The following ECT2L variants were observed in gnomAD, a reference collection of about 807,000 sequenced individuals.
ECT2L encodes epithelial cell-transforming sequence 2 oncogene-like.
Under a neutral mutation model 122.8 loss-of-function variants are expected in ECT2L, and 126 were observed. That is an observed-to-expected ratio of 1.03 (90% CI 0.89 to 1.19). ECT2L has a LOEUF of 1.19. ECT2L is among the 50% of genes most tolerant of loss of function. The pLI is 0.00. For missense variants in ECT2L, 1,012 were observed against 1,064.1 expected (o/e 0.95, Z 0.68); for synonymous variants, 385 against 381.8 (o/e 1.01, Z -0.10).
At chr6:138,857,547 C>T (rs537870520) in intron 10 of ECT2L, among the ~76,000 whole-genome samples, 1 of 152,240 alleles carries the variant, frequency 6.6e-6, no homozygotes, top group South Asian at 2.1e-4. Context: ...TGCTCAAATC[C>T]AGTGGTCCCT....
At chr6:138,835,145 TA>T (rs34665665) in intron 4 of ECT2L, among the ~76,000 whole-genome samples, 33,600 of 151,958 alleles carry the variant, frequency 0.22, 4,121 homozygotes, top group Middle Eastern at 0.29. Flanking sequence ...TTTAGCCACT[TA>T]AAAAAAACTT....
chr6:138,809,668 T>C (rs1775826419), intron 1 of ECT2L, among the ~76,000 whole-genome samples: 1 of 152,220 alleles, frequency 6.6e-6, no homozygotes, highest in Non-Finnish European at 1.5e-5. Context: ...ATATTTATGG[T>C]AATATGCTTG....
rs927220577 is a variant in ECT2L, at chr6:138,812,996, C to T, written c.-104+19C>T. 9 of 306,162 alleles carry T rather than the reference C, an allele frequency of 2.9e-5. No individual in the cohort carries two copies. Among genetic ancestry groups the T allele is most frequent in the Middle Eastern group, 9.4e-4 (1 of 1,066 alleles). 19.0% of individuals were successfully genotyped at this position (306,162 alleles called of 1,614,324 possible). On this transcript the variant is annotated intron_variant, in intron 2 of 21. Transcript: ENST00000541398. ...AAAGCAGGTAAGAATAGAATAATTG[C>T]AATGATTTGAAGTTAATGGGATTTT...
At chr6:138,850,426 T>A (rs1355225257) in intron 9 of ECT2L, among the ~76,000 whole-genome samples, 1 of 152,232 alleles carries the variant, frequency 6.6e-6, no homozygotes, top group African/African-American at 2.4e-5. Flanking sequence ...ATTACAGGCA[T>A]GAGCCACTTT....
Position 138,808,041 on chromosome 6 carries a change from A to AAC in ECT2L, c.-243-4787_-243-4786dup, listed in dbSNP as rs550804795. On this transcript the variant is annotated intron_variant, in intron 1 of 21. Transcript: ENST00000541398. ...TACACATTTTATAATCAGTTTGTCAAACACACACACAGCCATGCACACACA... is the reference window on the plus strand; with the variant it reads ...TACACATTTTATAATCAGTTTGTCAAACACACACACACAGCCATGCACACACA... Among the ~76,000 whole-genome samples the AAC allele has an allele frequency of 2.0e-5, 3 of 152,074 alleles. No homozygotes were observed. In the South Asian group the frequency reaches 6.2e-4, roughly 32 times the overall value.
intron 20 of ECT2L, 104 bp from the exon 21 acceptor site, chr6:138,900,844 G>C: frequency 8.3e-7 from 1 of 1,207,922 alleles, no homozygotes; most frequent in Non-Finnish European, 1.1e-6. Flanking sequence ...GTCAGTAGTG[G>C]GGTAAAAGCC....
intron 9 of ECT2L, among the ~76,000 whole-genome samples, chr6:138,850,544 T>A (rs572345389): frequency 6.9e-6 from 1 of 145,444 alleles, no homozygotes; most frequent in African/African-American, 2.6e-5. Context: ...TTTTATCTGT[T>A]CATCCACTGA....
At chr6:138,887,858 C>T (rs1204490559) in intron 19 of ECT2L, among the ~76,000 whole-genome samples, 2 of 152,166 alleles carry the variant, frequency 1.3e-5, no homozygotes, top group East Asian at 1.9e-4. Flanking sequence ...ATATCCTTTG[C>T]AAAGTTTCCC....
chr6:138,826,027 C>T (rs537566807), intron 4 of ECT2L, among the ~76,000 whole-genome samples: 1 of 152,340 alleles, frequency 6.6e-6, no homozygotes, highest in South Asian at 2.1e-4. Context: ...ATTCCCTCTT[C>T]GCCCAGTTCG....
chr6:138,868,031 G>A, intron 12 of ECT2L, 72 bp from the exon 13 acceptor site: 1 of 837,910 alleles, frequency 1.2e-6, no homozygotes, highest in Non-Finnish European at 1.8e-6. Flanking sequence ...AAACTGTGAG[G>A]ACTGAGTTGT....
chr6:138,874,447 T>G (rs1253761475), intron 13 of ECT2L, among the ~76,000 whole-genome samples: 20 of 152,176 alleles, frequency 1.3e-4, no homozygotes, highest in Admixed American at 1.3e-3. Flanking sequence ...CTTGCCAATT[T>G]TAGGTTCAAA....
At chr6:138,891,205 C>T (rs1257813137) in intron 20 of ECT2L, among the ~76,000 whole-genome samples, 1 of 152,206 alleles carries the variant, frequency 6.6e-6, no homozygotes. Flanking sequence ...TCTAACCCAA[C>T]TCTAGTATAG....
chr6:138,893,166 T>G (rs1039182810), intron 20 of ECT2L, among the ~76,000 whole-genome samples: 2 of 143,868 alleles, frequency 1.4e-5, no homozygotes, highest in African/African-American at 5.6e-5. Flanking sequence ...GCTTCTCAGT[T>G]TTTTTTTGTT....
chr6:138,819,548 A>G (rs888070578), intron 4 of ECT2L, among the ~76,000 whole-genome samples: 1 of 151,366 alleles, frequency 6.6e-6, no homozygotes, highest in East Asian at 1.9e-4. Flanking sequence ...GACTCTTTTC[A>G]TCTCTAGCAC....
At chr6:138,800,135 AT>A (rs1775491579) in intron 1 of ECT2L, among the ~76,000 whole-genome samples, 1 of 152,178 alleles carries the variant, frequency 6.6e-6, no homozygotes, top group African/African-American at 2.4e-5. Context: ...CTTTAGAAGC[AT>A]TTAGGCCCCT....
Position 138,823,655 on chromosome 6 carries a change from T to G in ECT2L, c.179+9052T>G. The G allele has an allele frequency of 8.4e-6, 12 of 1,430,404 alleles. 1 individual carries two copies. In the South Asian group the frequency reaches 1.3e-4, roughly 15 times the overall value. The allele number at this position is 1,430,404 out of a possible 1,614,324, so 88.6% of individuals were successfully genotyped here. On this transcript the variant is annotated intron_variant, in intron 4 of 21. Transcript: ENST00000541398. Reference sequence around the variant, plus strand: ...ACAGCTGCCTCAACCCAATCCTTTATGTTTTTATGGGAGCATCTTTCAAAA... The same window carrying G: ...ACAGCTGCCTCAACCCAATCCTTTAGGTTTTTATGGGAGCATCTTTCAAAA...
intron 4 of ECT2L, among the ~76,000 whole-genome samples, chr6:138,829,388 A>C (rs976192326): frequency 8.5e-5 from 13 of 152,196 alleles, no homozygotes; most frequent in African/African-American, 2.9e-4. Context: ...AACTTTAAAG[A>C]AAAGTTACAA....
intron 1 of ECT2L, among the ~76,000 whole-genome samples, chr6:138,802,588 T>TA (rs1775580800): frequency 6.6e-6 from 1 of 152,208 alleles, no homozygotes; most frequent in Non-Finnish European, 1.5e-5. Flanking sequence ...ATAAGTTTAA[T>TA]ATCTCAATCA....
chr6:138,838,828 G>T (rs1776936664), intron 5 of ECT2L, among the ~76,000 whole-genome samples: 1 of 152,226 alleles, frequency 6.6e-6, no homozygotes, highest in Non-Finnish European at 1.5e-5. Context: ...GCCCAGGCTG[G>T]AGTGCAGTGG....
Sources: gnomAD v4.1 joint callset for allele counts (sites outside exome capture counted in the v4.1 genomes callset) on GRCh38, gnomAD v4.1.1 for gene constraint, MANE v1.5 for transcripts, NCBI Gene and HGNC (gene_info 2026-07-23, HGNC 2026-07-21) for gene names.